GLCCI1: variants seen among roughly 807,000 people sequenced by gnomAD.
GLCCI1 encodes glucocorticoid induced 1, also known as glucocorticoid-induced transcript 1 protein.
A neutral mutation model predicts 52.2 loss-of-function variants in GLCCI1; 24 were observed. The observed-to-expected ratio is 0.46, with a 90% CI of 0.33 to 0.65. The LOEUF is 0.65. GLCCI1 is among the 30% of genes least tolerant of loss of function. The probability of loss-of-function intolerance (pLI) is 0.02; values close to 1 mark genes in which losing one functional copy is unlikely to be tolerated. For synonymous variants in GLCCI1, 310 were observed against 276.5 expected, an observed-to-expected ratio of 1.12 and a Z score of -1.20; for missense variants, 704 against 701.5, an observed-to-expected ratio of 1.00 and a Z score of -0.04.
intron 6 of GLCCI1, among the ~76,000 whole-genome samples, chr7:8,082,360 C>T (rs1783014194): frequency 6.6e-6 from 1 of 151,944 alleles, no homozygotes. Context: ...ATGGCAATTC[C>T]TTTAATTATA....
Position 7,999,747 on chromosome 7 carries a change from T to G in GLCCI1, c.458-4161T>G, listed in dbSNP as rs575631742. On this transcript the variant is annotated intron_variant, in intron 1 of 7. Transcript: ENST00000223145. Reference sequence around the variant, plus strand: ...TAGTGAGGCCTCATCTCTATAAATTTAAAAAATTAGCTGGGTGTGGTGATG... The same window carrying G: ...TAGTGAGGCCTCATCTCTATAAATTGAAAAAATTAGCTGGGTGTGGTGATG... Among the ~76,000 whole-genome samples the G allele has an allele frequency of 1.6e-3, 245 of 152,064 alleles. 1 individual carries two copies. Among genetic ancestry groups the G allele is most frequent in the African/African-American group, 5.4e-3 (225 of 41,476 alleles).
In GLCCI1 at chr7:7,998,427, G is replaced by A. The variant is rs528284207; in HGVS notation, c.458-5481G>A. Among the ~76,000 whole-genome samples the A allele has an allele frequency of 1.3e-3, 197 of 152,282 alleles. 3 individuals are homozygous for A. Among genetic ancestry groups the A allele is most frequent in the African/African-American group, 4.4e-3 (181 of 41,568 alleles). ...GACAGGGTTTCGCCATTTTGGCCAA[G>A]CTGGTCTCAATCTCCTGACCTCAGG... On this transcript the variant is annotated intron_variant, in intron 1 of 7. Transcript: ENST00000223145.
At chr7:8,021,862 T>C (rs1159404614) in intron 2 of GLCCI1, among the ~76,000 whole-genome samples, 2 of 152,238 alleles carry the variant, frequency 1.3e-5, no homozygotes, top group East Asian at 1.9e-4. Flanking sequence ...TTCTGACATA[T>C]GGTTCAGGTT....
chr7:7,971,026 G>A (rs1780343182), intron 1 of GLCCI1, among the ~76,000 whole-genome samples: 1 of 151,982 alleles, frequency 6.6e-6, no homozygotes, highest in Non-Finnish European at 1.5e-5. Flanking sequence ...TGGTGTTTTT[G>A]TTTTAATATT....
chr7:7,987,891 A>T (rs1409928215), intron 1 of GLCCI1, among the ~76,000 whole-genome samples: 1 of 152,114 alleles, frequency 6.6e-6, no homozygotes, highest in Non-Finnish European at 1.5e-5. Flanking sequence ...TTTATTTTTT[A>T]AAATGCGTAT....
At chr7:8,084,803 G>A (rs1040623842) in intron 6 of GLCCI1, 94 bp from the exon 7 acceptor site, 2 of 1,226,994 alleles carry the variant, frequency 1.6e-6, no homozygotes, top group East Asian at 4.8e-5. Flanking sequence ...CATAGGGGCA[G>A]TAGTGGATAA....
intron 6 of GLCCI1, among the ~76,000 whole-genome samples, chr7:8,077,162 G>C (rs1399460563): frequency 6.6e-6 from 1 of 151,932 alleles, no homozygotes; most frequent in Non-Finnish European, 1.5e-5. Context: ...AGTAAACTCT[G>C]ATAGTAACTG....
At chr7:8,005,844 G>A (rs1371255601) in intron 2 of GLCCI1, among the ~76,000 whole-genome samples, 1 of 151,956 alleles carries the variant, frequency 6.6e-6, no homozygotes, top group African/African-American at 2.4e-5. Context: ...TGTTGCCCAG[G>A]CTGGAGTGCA....
intron 3 of GLCCI1, among the ~76,000 whole-genome samples, chr7:8,030,281 A>T (rs2127951339): frequency 6.6e-6 from 1 of 152,278 alleles, no homozygotes; most frequent in Non-Finnish European, 1.5e-5. Context: ...GGTGCTAAGA[A>T]CACACATTGG....
intron 1 of GLCCI1, among the ~76,000 whole-genome samples, chr7:7,992,163 A>C (rs1333758504): frequency 6.8e-6 from 1 of 147,584 alleles, no homozygotes; most frequent in South Asian, 2.1e-4. Flanking sequence ...GAAGGAATTT[A>C]ATAACTCACA....
At chr7:8,067,861 G>T (rs1314309231) in intron 5 of GLCCI1, among the ~76,000 whole-genome samples, 1 of 152,066 alleles carries the variant, frequency 6.6e-6, no homozygotes, top group Non-Finnish European at 1.5e-5. Flanking sequence ...ATTTTGCAGG[G>T]GTTCTCTGCA....
chr7:8,055,579 A>T (rs1782369007), intron 4 of GLCCI1, 30 bp downstream of exon 4: 1 of 1,283,808 alleles, frequency 7.8e-7, no homozygotes, highest in Admixed American at 1.7e-5. Flanking sequence ...AGATTTGAAT[A>T]ATTACTTTTA....
At chr7:8,048,974 CT>C (rs1228983453) in intron 3 of GLCCI1, among the ~76,000 whole-genome samples, 1 of 152,046 alleles carries the variant, frequency 6.6e-6, no homozygotes, top group Non-Finnish European at 1.5e-5. Flanking sequence ...TTGTTGTTTT[CT>C]TTTTTTGTTT....
chr7:7,969,197 A>AG lies in GLCCI1; in HGVS notation c.-149dup. 1 of 653,942 alleles carries AG rather than the reference A, an allele frequency of 1.5e-6. No individual in the cohort carries two copies. The highest frequency in any genetic ancestry group is 5.0e-5 in the Admixed American group (1 of 20,090). 40.5% of individuals were successfully genotyped at this position (653,942 alleles called of 1,614,324 possible). On this transcript the variant is annotated 5_prime_UTR_variant, in exon 1 of 8. Coordinates refer to ENST00000223145, the MANE Select transcript of GLCCI1 (RefSeq NM_138426.4). The surrounding 1 kb of genome is among the most constrained non-coding windows in gnomAD (Gnocchi z 4.9). ...GAGGCGGCGGGGGTGTGCGTTGGGGAGGGGGAGCCCCGAGACTCCTCCCCC... is the reference window on the plus strand; with the variant it reads ...GAGGCGGCGGGGGTGTGCGTTGGGGAGGGGGGAGCCCCGAGACTCCTCCCCC...
chr7:8,083,235 C>T (rs1055264212), intron 6 of GLCCI1, among the ~76,000 whole-genome samples: 1 of 152,090 alleles, frequency 6.6e-6, no homozygotes, highest in African/African-American at 2.4e-5. Flanking sequence ...ATGGGATGTC[C>T]ATCCTCCCTA....
intron 3 of GLCCI1, among the ~76,000 whole-genome samples, chr7:8,026,071 ATTGT>A (rs1234376212): frequency 6.6e-5 from 10 of 152,222 alleles, no homozygotes; most frequent in African/African-American, 1.4e-4. Flanking sequence ...AGTTTTCAAC[ATTGT>A]TTGGTTGGAT....
chr7:7,975,700 T>G lies in GLCCI1; in HGVS notation c.457+5893T>G, dbSNP rs187148712. ...TGAGACCTAGTTTGTTGAATGTAAC[T>G]AAAATAAAATATAGATGGATTGGCC... On this transcript the variant is annotated intron_variant, in intron 1 of 7. Transcript: ENST00000223145. 8.2e-3 allele frequency among the ~76,000 whole-genome samples: 1,254 copies of G among 152,316 alleles called. 8 individuals carry two copies. Among genetic ancestry groups the G allele is most frequent in the Non-Finnish European group, 0.012 (819 of 68,028 alleles).
chr7:8,084,956 T>C lies in GLCCI1; in HGVS notation c.1237T>C (p.Tyr413His), dbSNP rs748326279. 1 of 1,614,140 alleles carries C rather than the reference T, an allele frequency of 6.2e-7. No individual in the cohort carries two copies. Among genetic ancestry groups the C allele is most frequent in the East Asian group, 2.2e-5 (1 of 44,882 alleles). The change falls in exon 7 of 8, where the codon TAC (tyrosine) becomes CAC (histidine). Residue 413 changes from tyrosine to histidine, a missense_variant. Coordinates refer to ENST00000223145, the MANE Select transcript of GLCCI1 (RefSeq NM_138426.4). ...TTCATCTCCCAAACCAAACAACAGC[T>C]ACATGTTCAAACGGGAGCCCCCAGA... ...YASSPKPNNSYMFKREPPEGC... is the reference protein window; with the variant it reads ...YASSPKPNNSHMFKREPPEGC...
intron 3 of GLCCI1, among the ~76,000 whole-genome samples, chr7:8,030,684 T>C (rs1781727949): frequency 6.6e-6 from 1 of 152,086 alleles, no homozygotes; most frequent in Non-Finnish European, 1.5e-5. Context: ...AAGAACTCCA[T>C]ATTAATAAAC....
Sources: allele counts gnomAD v4.1 joint callset (sites outside exome capture counted in the v4.1 genomes callset), GRCh38; gene constraint gnomAD v4.1.1; non-coding constraint Gnocchi (gnomAD v3.1); transcripts MANE v1.5; gene names NCBI Gene and HGNC (gene_info 2026-07-23, HGNC 2026-07-21).